Variants in ARK2C observed in about 807,000 individuals in gnomAD.
ARK2C encodes the protein arkadia (RNF111) C-terminal like ring finger ubiquitin ligase 2C, also known as E3 ubiquitin-protein ligase ARK2C.
At chr18:46,350,435 G>T in the ARK2C span, among the ~76,000 whole-genome samples, 9 of 152,304 alleles carry the variant, frequency 5.9e-5, no homozygotes, top group South Asian at 1.9e-3. Context: ...GGATGGAAGC[G>T]TGAGGTCCAT....
the ARK2C span, among the ~76,000 whole-genome samples, chr18:46,344,288 C>A: frequency 1.3e-5 from 2 of 152,208 alleles, no homozygotes; most frequent in Admixed American, 1.3e-4. Flanking sequence ...AGCGTTGGAA[C>A]AGCTGCTGTG....
chr18:46,337,063 C>A, the ARK2C span: 1 of 985,276 alleles, frequency 1.0e-6, no homozygotes, highest in African/African-American at 1.7e-5. Flanking sequence ...CTTTAACAGC[C>A]GGCTCCCTTC....
the ARK2C span, among the ~76,000 whole-genome samples, chr18:46,427,677 C>T: frequency 6.6e-6 from 1 of 152,256 alleles, no homozygotes. Context: ...CCCTCACTCC[C>T]CACAACAATC....
chr18:46,394,745 C>A, the ARK2C span, among the ~76,000 whole-genome samples: 58 of 152,380 alleles, frequency 3.8e-4, no homozygotes, highest in South Asian at 0.012. Context: ...GTCCACACCA[C>A]TGTTCAAGGA....
the ARK2C span, among the ~76,000 whole-genome samples, chr18:46,416,056 A>G: frequency 6.6e-6 from 1 of 152,124 alleles, no homozygotes; most frequent in South Asian, 2.1e-4. Flanking sequence ...ATGGCTAATT[A>G]ACATGTCATG....
chr18:46,374,906 A>T, the ARK2C span, among the ~76,000 whole-genome samples: 3 of 152,092 alleles, frequency 2.0e-5, no homozygotes, highest in African/African-American at 7.2e-5. Context: ...TGAGTCTGAC[A>T]TTTGGTCTTG....
At chr18:46,458,890 A>G in the ARK2C span, 164 of 152,342 alleles carry the variant, frequency 1.1e-3, no homozygotes, top group African/African-American at 3.8e-3. Context: ...CACAGCGTCC[A>G]ACTCAGTAGC....
chr18:46,387,833 G>A, the ARK2C span, among the ~76,000 whole-genome samples: 1 of 152,230 alleles, frequency 6.6e-6, no homozygotes, highest in African/African-American at 2.4e-5. Context: ...CTGACCTTAG[G>A]GGTTATTTAG....
At chr18:46,382,200 G>A in the ARK2C span, among the ~76,000 whole-genome samples, 12 of 152,096 alleles carry the variant, frequency 7.9e-5, no homozygotes, top group South Asian at 1.5e-3. Context: ...CCTCCTGGAC[G>A]GTCTGTCATC....
chr18:46,334,691 T>C, the ARK2C span: 2 of 305,372 alleles, frequency 6.5e-6, no homozygotes, highest in Admixed American at 6.7e-5. This position sits in a 1 kb window ranked among gnomAD's most constrained non-coding sequence, Gnocchi z 4.4. Context: ...TGTGTGTGTG[T>C]GTGTGTGTGT....
At chr18:46,357,641 G>A in the ARK2C span, among the ~76,000 whole-genome samples, 70 of 152,326 alleles carry the variant, frequency 4.6e-4, no homozygotes, top group African/African-American at 1.6e-3. Flanking sequence ...CACTGGGCTC[G>A]AGGCCTGGGG....
chr18:46,380,002 G>A, the ARK2C span, among the ~76,000 whole-genome samples: 15 of 152,196 alleles, frequency 9.9e-5, no homozygotes, highest in Non-Finnish European at 2.2e-4. Context: ...AAAGGCAGAG[G>A]CCACCCCACC....
chr18:46,356,641 G>A, the ARK2C span, among the ~76,000 whole-genome samples: 2 of 152,154 alleles, frequency 1.3e-5, no homozygotes, highest in Non-Finnish European at 2.9e-5. Flanking sequence ...ATTCCATCAT[G>A]GGTTCCCACA....
the ARK2C span, among the ~76,000 whole-genome samples, chr18:46,357,828 G>A: frequency 6.6e-6 from 1 of 152,244 alleles, no homozygotes; most frequent in Non-Finnish European, 1.5e-5. Flanking sequence ...CTAGAAGGCT[G>A]CAATCAAGCT....
chr18:46,377,660 G>A, the ARK2C span, among the ~76,000 whole-genome samples: 10 of 152,326 alleles, frequency 6.6e-5, no homozygotes, highest in African/African-American at 2.4e-4. Flanking sequence ...AAATGTATGG[G>A]AGGTCAGAGG....
chr18:46,389,479 G>A, the ARK2C span, among the ~76,000 whole-genome samples: 2 of 152,298 alleles, frequency 1.3e-5, no homozygotes, highest in Non-Finnish European at 2.9e-5. Context: ...GTAGGAGTGA[G>A]AGGGACCCCT....
chr18:46,432,983 C>T, the ARK2C span, among the ~76,000 whole-genome samples: 1 of 152,074 alleles, frequency 6.6e-6, no homozygotes, highest in Admixed American at 6.5e-5. Context: ...ATAAAGATAA[C>T]ACTTCCCCCT....
the ARK2C span, among the ~76,000 whole-genome samples, chr18:46,394,466 G>A: frequency 6.6e-6 from 1 of 152,228 alleles, no homozygotes; most frequent in South Asian, 2.1e-4. Context: ...GCATCTCTGG[G>A]GATGTGCAGT....
the ARK2C span, chr18:46,457,904 T>G: frequency 6.6e-6 from 1 of 152,562 alleles, no homozygotes; most frequent in African/African-American, 2.4e-5. Context: ...GCCCTGGCTC[T>G]GAGGTCACAT....
Sources: gnomAD v4.1 joint callset for allele counts (sites outside exome capture counted in the v4.1 genomes callset) on GRCh38, gnomAD v4.1.1 for gene constraint, Gnocchi (gnomAD v3.1) non-coding constraint, MANE v1.5 for transcripts, NCBI Gene and HGNC (gene_info 2026-07-23, HGNC 2026-07-21) for gene names.